The following STARD13 variants were observed in gnomAD, a reference collection of about 807,000 sequenced individuals.
STARD13 encodes the protein StAR related lipid transfer domain containing 13.
A neutral mutation model predicts 106.4 loss-of-function variants in STARD13; 62 were observed. That is an observed-to-expected ratio of 0.58 (90% CI 0.48 to 0.72). STARD13 has a LOEUF of 0.72. STARD13 is among the 30% of genes least tolerant of loss of function. The pLI is 0.00. For missense variants in STARD13, 1,387 were observed against 1,424.0 expected (o/e 0.97, Z 0.42); for synonymous variants, 565 against 553.0 (o/e 1.02, Z -0.31).
Position 33,118,285 on chromosome 13 carries a change from G to A in STARD13, c.2083-22C>T, listed in dbSNP as rs751745090. ...CCACCTGAAACAAAGCCATAGGGAT[G>A]TGTCAGCCAGGCCACACTTGGTTGT... On this transcript the variant is annotated intron_variant, in intron 7 of 13. Coordinates refer to ENST00000336934, the MANE Select transcript of STARD13 (RefSeq NM_178006.4). The A allele has an allele frequency of 1.2e-5, 19 of 1,605,042 alleles. No homozygotes were observed. In the Admixed American group the frequency reaches 1.8e-4, roughly 15 times the overall value.
At chr13:33,519,630 G>A in the STARD13 span, among the ~76,000 whole-genome samples, 2 of 152,072 alleles carry the variant, frequency 1.3e-5, no homozygotes, top group East Asian at 1.9e-4. Flanking sequence ...ATCTTGAAGT[G>A]CTTTAGCAAG....
the STARD13 span, among the ~76,000 whole-genome samples, chr13:33,556,263 C>G: frequency 1.3e-5 from 2 of 151,968 alleles, no homozygotes; most frequent in South Asian, 2.1e-4. Context: ...CCTCCCTTTT[C>G]TTTTCCTTTC....
At chr13:33,163,150 A>T (rs1882831816) in intron 3 of STARD13, among the ~76,000 whole-genome samples, 1 of 152,186 alleles carries the variant, frequency 6.6e-6, no homozygotes, top group Non-Finnish European at 1.5e-5. Context: ...AGACATATTC[A>T]CTACCATGAG....
At chr13:33,516,737 G>A in the STARD13 span, among the ~76,000 whole-genome samples, 1 of 151,922 alleles carries the variant, frequency 6.6e-6, no homozygotes, top group East Asian at 1.9e-4. Context: ...TGCCATAAGT[G>A]TAAAATACAA....
the STARD13 span, among the ~76,000 whole-genome samples, chr13:33,464,720 G>T: frequency 6.6e-6 from 1 of 152,114 alleles, no homozygotes; most frequent in Admixed American, 6.5e-5. Context: ...GTGGTGGCGG[G>T]CACCTGTAAT....
At chr13:33,260,033 A>G (rs916839440) in intron 1 of STARD13, among the ~76,000 whole-genome samples, 2 of 151,660 alleles carry the variant, frequency 1.3e-5, no homozygotes, top group Non-Finnish European at 2.9e-5. Context: ...GACAGTTAAA[A>G]TATCTCCTAT....
chr13:33,278,167 ACCAGTTTAAACACAGT>A lies in STARD13; in HGVS notation c.169+7287_169+7302del, dbSNP rs374525931. Among the ~76,000 whole-genome samples the A allele has an allele frequency of 7.1e-3, 1,086 of 152,280 alleles. 3 individuals are homozygous for A. Among genetic ancestry groups the A allele is most frequent in the Non-Finnish European group, 0.012 (843 of 68,010 alleles). The stretch of plus-strand genomic sequence containing the variant: ...GAAAAGTGGTTTCAAGATGAAATAT[ACCAGTTTAAACACAGT>A]TAAACTACTTTGTGCAAGATTTTCC... On this transcript the variant is annotated intron_variant, in intron 1 of 13. Coordinates refer to ENST00000336934, the MANE Select transcript of STARD13 (RefSeq NM_178006.4).
At chr13:33,541,277 G>C in the STARD13 span, among the ~76,000 whole-genome samples, 1 of 152,102 alleles carries the variant, frequency 6.6e-6, no homozygotes, top group African/African-American at 2.4e-5. Context: ...GGGTCTAAAA[G>C]CTATTTTGCA....
the STARD13 span, among the ~76,000 whole-genome samples, chr13:33,624,959 G>T: frequency 6.6e-6 from 1 of 152,176 alleles, no homozygotes. Flanking sequence ...GTCAGAATCT[G>T]TACAAGGAAG....
At chr13:33,286,443 G>C (rs1287673653), upstream of STARD13, among the ~76,000 whole-genome samples, 1 of 152,142 alleles carries the variant, frequency 6.6e-6, no homozygotes, top group African/African-American at 2.4e-5. Flanking sequence ...TAATCACCTA[G>C]AGGTAAAATA....
At chr13:33,116,722 C>T (rs937065832) in intron 8 of STARD13, among the ~76,000 whole-genome samples, 4 of 152,256 alleles carry the variant, frequency 2.6e-5, no homozygotes, top group African/African-American at 4.8e-5. Flanking sequence ...CAACCTCTCA[C>T]AGCAACAACA....
the STARD13 span, among the ~76,000 whole-genome samples, chr13:33,480,515 C>A: frequency 6.6e-6 from 1 of 152,022 alleles, no homozygotes; most frequent in Non-Finnish European, 1.5e-5. Context: ...TGGCATGAAA[C>A]CATGACTATT....
At chr13:33,416,731 C>T in the STARD13 span, among the ~76,000 whole-genome samples, 1 of 152,104 alleles carries the variant, frequency 6.6e-6, no homozygotes, top group African/African-American at 2.4e-5. Context: ...GCTAAAACTA[C>T]AAGACTCTTA....
chr13:33,520,084 A>T, the STARD13 span: 9 of 152,312 alleles, frequency 5.9e-5, no homozygotes, highest in South Asian at 4.1e-4. Flanking sequence ...TGCGGAGTGG[A>T]GAATTTATTG....
chr13:33,227,928 G>T (rs1274365338), intron 1 of STARD13, among the ~76,000 whole-genome samples: 1 of 152,224 alleles, frequency 6.6e-6, no homozygotes, highest in Non-Finnish European at 1.5e-5. Flanking sequence ...CCCATCAGAA[G>T]AAAGAGACAG....
intron 1 of STARD13, among the ~76,000 whole-genome samples, chr13:33,317,306 T>C (rs1893378340): frequency 6.6e-6 from 1 of 152,172 alleles, no homozygotes; most frequent in African/African-American, 2.4e-5. Flanking sequence ...ACTCATTTAA[T>C]AGCATCTTCA....
the STARD13 span, among the ~76,000 whole-genome samples, chr13:33,449,396 A>G: frequency 6.6e-6 from 1 of 152,286 alleles, no homozygotes; most frequent in South Asian, 2.1e-4. Context: ...CAACTTTGTC[A>G]AAAATTAATT....
the STARD13 span, among the ~76,000 whole-genome samples, chr13:33,525,159 T>A: frequency 6.6e-6 from 1 of 152,010 alleles, no homozygotes; most frequent in African/African-American, 2.4e-5. Flanking sequence ...GTAGCTGGTA[T>A]TAAAGGCACT....
At chr13:33,384,953 C>A in the STARD13 span, among the ~76,000 whole-genome samples, 1 of 151,920 alleles carries the variant, frequency 6.6e-6, no homozygotes, top group African/African-American at 2.4e-5. Context: ...TATACATAAT[C>A]TTTTTCCTGA....
Sources: allele counts gnomAD v4.1 joint callset (sites outside exome capture counted in the v4.1 genomes callset), GRCh38; gene constraint gnomAD v4.1.1; transcripts MANE v1.5; gene names NCBI Gene and HGNC (gene_info 2026-07-23, HGNC 2026-07-21).